The following CSMD3 variants were observed in gnomAD, a reference collection of about 807,000 sequenced individuals.
CSMD3 encodes CUB and Sushi multiple domains 3, also known as CUB and sushi domain-containing protein 3.
CSMD3 carries 177 observed loss-of-function variants against 435.2 expected under a neutral mutation model. The observed-to-expected ratio is 0.41, with a 90% confidence interval of 0.36 to 0.46. CSMD3 has a LOEUF of 0.46. CSMD3 is among the 20% of genes least tolerant of loss of function. CSMD3 has a pLI of 0.34. For synonymous variants in CSMD3, 1,656 were observed against 1,520.5 expected (o/e 1.09, Z -2.07); for missense variants, 4,265 against 4,504.6 (o/e 0.95, Z 1.52).
intron 22 of CSMD3, among the ~76,000 whole-genome samples, chr8:112,603,976 CTT>C (rs1189185740): frequency 2.0e-5 from 3 of 152,054 alleles, no homozygotes; most frequent in Non-Finnish European, 2.9e-5. Context: ...AATCTAGTCA[CTT>C]AAACTGAATA....
intron 50 of CSMD3, chr8:112,310,103 A>G (rs1364495368): frequency 2.6e-5 from 4 of 152,258 alleles, no homozygotes; most frequent in Non-Finnish European, 5.9e-5. Flanking sequence ...AAAATTTTCA[A>G]AGTCCAATGA....
intron 4 of CSMD3, among the ~76,000 whole-genome samples, chr8:113,130,672 G>T (rs2131680105): frequency 6.6e-6 from 1 of 152,166 alleles, no homozygotes; most frequent in East Asian, 1.9e-4. Flanking sequence ...TGCTATAAAG[G>T]TACATGAAAA....
chr8:112,306,635 C>T (rs933203974), intron 50 of CSMD3, among the ~76,000 whole-genome samples: 1 of 152,086 alleles, frequency 6.6e-6, no homozygotes, highest in Admixed American at 6.6e-5. Context: ...TAATTTTGGT[C>T]AGGAATAAAT....
intron 28 of CSMD3, among the ~76,000 whole-genome samples, chr8:112,507,744 C>T (rs186666329): frequency 1.3e-5 from 2 of 152,208 alleles, no homozygotes; most frequent in African/African-American, 4.8e-5. Flanking sequence ...ATTTCTGTTC[C>T]TTGCATGAGT....
intron 13 of CSMD3, among the ~76,000 whole-genome samples, chr8:112,725,576 C>A (rs2076947023): frequency 6.6e-6 from 1 of 151,888 alleles, no homozygotes; most frequent in South Asian, 2.1e-4. Flanking sequence ...AAATGACTTT[C>A]TAAGACAAAC....
At chr8:112,611,802 T>A (rs2131471046) in intron 22 of CSMD3, among the ~76,000 whole-genome samples, 1 of 152,252 alleles carries the variant, frequency 6.6e-6, no homozygotes, top group Non-Finnish European at 1.5e-5. Flanking sequence ...AATACACAAT[T>A]TGACAATATA....
At chr8:113,111,066 C>A (rs547056077) in intron 4 of CSMD3, among the ~76,000 whole-genome samples, 3 of 152,250 alleles carry the variant, frequency 2.0e-5, no homozygotes, top group Admixed American at 6.5e-5. Context: ...CTCCTAATAT[C>A]ATCACTATGG....
intron 3 of CSMD3, among the ~76,000 whole-genome samples, chr8:113,194,706 C>T (rs2092630692): frequency 6.6e-6 from 1 of 150,970 alleles, no homozygotes; most frequent in Non-Finnish European, 1.5e-5. Flanking sequence ...CAAAAATTGA[C>T]CTAAAAAGTA....
In CSMD3 at chr8:112,656,430, T is replaced by A. The variant is rs929222333; in HGVS notation, c.2817-89A>T. Reference sequence around the variant, plus strand: ...TTGGACTGCTATTTAAATTCCTATTTAAAATTTTTCCATTTTATATTATAA... The same window carrying A: ...TTGGACTGCTATTTAAATTCCTATTAAAAATTTTTCCATTTTATATTATAA... On this transcript the variant is annotated intron_variant, in intron 17 of 70. Transcript: ENST00000297405. 3 of 973,584 alleles carry A rather than the reference T, an allele frequency of 3.1e-6. No individual in the cohort carries two copies. In the African/African-American group the frequency reaches 5.0e-5, roughly 16 times the overall value. 60.3% of individuals were successfully genotyped at this position (973,584 alleles called of 1,614,324 possible). A position where few individuals can be genotyped will look rare whatever the true frequency, so the allele number is the denominator to read the frequency against.
chr8:113,089,041 C>CT (rs1368299813), intron 5 of CSMD3, among the ~76,000 whole-genome samples: 1 of 151,708 alleles, frequency 6.6e-6, no homozygotes, highest in Non-Finnish European at 1.5e-5. Context: ...CGTGTTCTTT[C>CT]TTTTTTTTCT....
intron 10 of CSMD3, among the ~76,000 whole-genome samples, chr8:112,859,999 CTA>C (rs1174462120): frequency 6.6e-6 from 1 of 151,768 alleles, no homozygotes; most frequent in African/African-American, 2.4e-5. Flanking sequence ...CAAAAATAAT[CTA>C]TTGTATATTT....
intron 4 of CSMD3, among the ~76,000 whole-genome samples, chr8:113,103,967 A>C (rs573305267): frequency 6.6e-6 from 1 of 152,196 alleles, no homozygotes; most frequent in African/African-American, 2.4e-5. Flanking sequence ...TTTGGGTATG[A>C]GACCACACCA....
chr8:112,443,636 A>G (rs1317431958), intron 32 of CSMD3, among the ~76,000 whole-genome samples: 1 of 152,030 alleles, frequency 6.6e-6, no homozygotes, highest in Non-Finnish European at 1.5e-5. Context: ...AAAAAAGTAA[A>G]ATGAGTAGAG....
intron 3 of CSMD3, among the ~76,000 whole-genome samples, chr8:113,232,948 C>T (rs2093105233): frequency 6.6e-6 from 1 of 151,846 alleles, no homozygotes; most frequent in African/African-American, 2.4e-5. Context: ...TATCCTTTTA[C>T]TGTCTTCCCT....
At chr8:113,126,651 TAGG>T (rs962727370) in intron 4 of CSMD3, among the ~76,000 whole-genome samples, 3 of 151,754 alleles carry the variant, frequency 2.0e-5, no homozygotes, top group Non-Finnish European at 4.4e-5. Flanking sequence ...AAGGATAAAA[TAGG>T]AGGAAAAGCA....
chr8:113,298,437 C>A, intron 2 of CSMD3, among the ~76,000 whole-genome samples: 1 of 151,712 alleles, frequency 6.6e-6, no homozygotes, highest in East Asian at 1.9e-4. Context: ...CATTATTGAC[C>A]TCAAAATTAA....
chr8:112,517,994 C>T (rs934945944), intron 27 of CSMD3, among the ~76,000 whole-genome samples: 4 of 152,044 alleles, frequency 2.6e-5, no homozygotes, highest in Non-Finnish European at 5.9e-5. Context: ...TCCATAATTG[C>T]TAATAACTAG....
intron 1 of CSMD3, among the ~76,000 whole-genome samples, chr8:113,393,975 A>G (rs1474213955): frequency 6.6e-6 from 1 of 152,070 alleles, no homozygotes; most frequent in Non-Finnish European, 1.5e-5. Flanking sequence ...AAACACCTAT[A>G]TGCTTAATTT....
intron 4 of CSMD3, among the ~76,000 whole-genome samples, chr8:113,128,697 A>G (rs1351387): frequency 0.61 from 92,103 of 151,928 alleles, 30,388 homozygotes; most frequent in East Asian, 0.95. Context: ...TTTAAATTCC[A>G]AACATATTTG....
Sources: gnomAD v4.1 joint callset for allele counts (sites outside exome capture counted in the v4.1 genomes callset) on GRCh38, gnomAD v4.1.1 for gene constraint, MANE v1.5 for transcripts, NCBI Gene and HGNC (gene_info 2026-07-23, HGNC 2026-07-21) for gene names.